The following PPP1R13B variants were observed in gnomAD, a reference collection of about 807,000 sequenced individuals.
PPP1R13B encodes protein phosphatase 1 regulatory subunit 13B, also known as apoptosis-stimulating of p53 protein 1.
A neutral mutation model predicts 119.8 loss-of-function variants in PPP1R13B; 44 were observed. The observed-to-expected ratio is 0.37, with a 90% CI of 0.29 to 0.47. The LOEUF (loss-of-function observed/expected upper bound fraction) is 0.47. PPP1R13B is among the 20% of genes least tolerant of loss of function. The pLI is 0.99. For synonymous variants in PPP1R13B, 542 were observed against 561.5 expected (o/e 0.97, Z 0.49); for missense variants, 1,227 against 1,413.5 (o/e 0.87, Z 2.12).
At chr14:103,737,933 C>T (rs2084154923) in intron 14 of PPP1R13B, 73 bp from the exon 15 acceptor site, 2 of 1,474,308 alleles carry the variant, frequency 1.4e-6, no homozygotes, top group Non-Finnish European at 1.8e-6. Context: ...CAGAGATTTC[C>T]CTCTAAGGAA....
chr14:103,836,132 G>A (rs1003890522), intron 1 of PPP1R13B, among the ~76,000 whole-genome samples: 2 of 149,302 alleles, frequency 1.3e-5, no homozygotes, highest in African/African-American at 5.0e-5. Context: ...TGCAATTTCC[G>A]CCTCCCAGGC....
intron 4 of PPP1R13B, among the ~76,000 whole-genome samples, chr14:103,775,351 T>G (rs1237407223): frequency 6.6e-6 from 1 of 151,920 alleles, no homozygotes; most frequent in Non-Finnish European, 1.5e-5. Context: ...CTCAGCTCAC[T>G]GCAACCTCTG....
intron 4 of PPP1R13B, among the ~76,000 whole-genome samples, chr14:103,760,765 A>G (rs968810484): frequency 1.3e-5 from 2 of 152,188 alleles, no homozygotes; most frequent in Non-Finnish European, 2.9e-5. Context: ...CACAATAAAC[A>G]CGGCCCACCC....
At chr14:103,821,917 T>C (rs1407972530) in intron 1 of PPP1R13B, among the ~76,000 whole-genome samples, 1 of 152,112 alleles carries the variant, frequency 6.6e-6, no homozygotes, top group East Asian at 1.9e-4. Context: ...GTCCAAGGCA[T>C]TTAGTTGAGA....
intron 1 of PPP1R13B, among the ~76,000 whole-genome samples, chr14:103,801,509 T>A (rs1018062833): frequency 6.6e-6 from 1 of 152,140 alleles, no homozygotes; most frequent in Non-Finnish European, 1.5e-5. Flanking sequence ...CTATTCACAA[T>A]TCAAAACTCA....
chr14:103,741,640 A>T, intron 11 of PPP1R13B, 150 bp downstream of exon 11: 2 of 1,048,416 alleles, frequency 1.9e-6, no homozygotes, highest in Non-Finnish European at 2.7e-6. Flanking sequence ...TTCCCTTCTC[A>T]CACTGACACC....
intron 2 of PPP1R13B, among the ~76,000 whole-genome samples, chr14:103,793,149 G>A (rs1420571382): frequency 6.9e-6 from 1 of 145,560 alleles, no homozygotes; most frequent in Non-Finnish European, 1.5e-5. Flanking sequence ...GGGAGGGAAA[G>A]GAGGGGAAGG....
At chr14:103,745,263 C>T (rs761353836) in intron 9 of PPP1R13B, among the ~76,000 whole-genome samples, 6 of 152,288 alleles carry the variant, frequency 3.9e-5, no homozygotes, top group Middle Eastern at 3.4e-3. Context: ...ACAGATGTGT[C>T]GCTGTCCCTC....
chr14:103,841,673 A>G (rs1014563059), intron 1 of PPP1R13B, among the ~76,000 whole-genome samples: 2 of 152,208 alleles, frequency 1.3e-5, no homozygotes, highest in East Asian at 1.9e-4. Flanking sequence ...TGTAAAATCA[A>G]GCTTATCAAG....
intron 1 of PPP1R13B, among the ~76,000 whole-genome samples, chr14:103,830,354 C>T (rs913747218): frequency 6.6e-6 from 1 of 152,126 alleles, no homozygotes; most frequent in Non-Finnish European, 1.5e-5. Context: ...CCTCAGCCTC[C>T]CAAAGTGCTA....
intron 1 of PPP1R13B, among the ~76,000 whole-genome samples, chr14:103,836,547 G>C (rs987027794): frequency 1.3e-5 from 2 of 151,870 alleles, no homozygotes; most frequent in Admixed American, 1.3e-4. Flanking sequence ...GAGGCAGGCG[G>C]ATCATGAGGT....
intron 8 of PPP1R13B, among the ~76,000 whole-genome samples, chr14:103,748,066 TACACAC>T (rs58398068): frequency 0.2 from 28,106 of 137,980 alleles, 2,538 homozygotes; most frequent in Non-Finnish European, 0.24. Context: ...TTAAATCACA[TACACAC>T]ACACACACAC....
intron 2 of PPP1R13B, among the ~76,000 whole-genome samples, chr14:103,796,773 A>G (rs892233148): frequency 2.0e-5 from 3 of 152,190 alleles, no homozygotes; most frequent in African/African-American, 7.2e-5. Flanking sequence ...CCTGGGCAAC[A>G]TGGTGAAACC....
rs1331442745 is a variant in PPP1R13B, at chr14:103,778,812, T to C, written c.287A>G (p.Gln96Arg). 2 of 1,613,870 alleles carry C rather than the reference T, an allele frequency of 1.2e-6. No individual in the cohort carries two copies. The highest frequency in any genetic ancestry group is 2.2e-5 in the South Asian group (2 of 91,062). The change falls in exon 4 of 17, where the codon CAG (glutamine) becomes CGG (arginine). Residue 96 changes from glutamine to arginine, a missense_variant. Transcript: ENST00000202556. ...PTENSEQGGRQTQEQRTQRNV... is the reference protein window; with the variant it reads ...PTENSEQGGRRTQEQRTQRNV... ...TCTCTGAGTTCGTTGCTCTTGGGTC[T>C]GACGGCCACCTAAAGAAATAAAAGA...
In PPP1R13B at chr14:103,788,126, G is replaced by GAA. The variant is rs113823420; in HGVS notation, c.158-3214_158-3213dup. On this transcript the variant is annotated intron_variant, in intron 2 of 16. Coordinates refer to ENST00000202556, the MANE Select transcript of PPP1R13B (RefSeq NM_015316.3). ...GACCCTGTCTCAAAAAGAGAAAAAT[G>GAA]AAAAAAAAAAAGATTAAAAATGCTA... is the stretch of plus-strand genomic sequence containing the variant. Among the ~76,000 whole-genome samples, 8 of 142,558 alleles carry GAA rather than the reference G, an allele frequency of 5.6e-5. No homozygotes were observed. In the South Asian group the frequency reaches 1.1e-3, roughly 20 times the overall value. 93.5% of individuals were successfully genotyped at this position (142,558 alleles called of 152,430 possible).
intron 9 of PPP1R13B, 42 bp downstream of exon 9, chr14:103,746,331 G>A (rs755558812): frequency 7.8e-7 from 1 of 1,278,384 alleles, no homozygotes; most frequent in Non-Finnish European, 1.0e-6. Context: ...CCCATTCCCT[G>A]CTCACAAACT....
intron 2 of PPP1R13B, among the ~76,000 whole-genome samples, chr14:103,789,516 A>C (rs550073093): frequency 1.4e-5 from 2 of 146,300 alleles, no homozygotes; most frequent in African/African-American, 5.1e-5. Flanking sequence ...GTGTCCGGCC[A>C]ATTTTTTATT....
chr14:103,847,045 C>T (rs768755571), intron 1 of PPP1R13B: 6 of 1,037,076 alleles, frequency 5.8e-6, no homozygotes, highest in African/African-American at 3.4e-5. Context: ...CCAAATGCAT[C>T]TGCTTCTCCC....
intron 1 of PPP1R13B, among the ~76,000 whole-genome samples, chr14:103,836,445 T>C (rs1013426657): frequency 6.6e-6 from 1 of 152,038 alleles, no homozygotes; most frequent in Admixed American, 6.6e-5. Context: ...TTTTTACAAA[T>C]AGGAAAATAA....
Sources: gnomAD v4.1 joint callset for allele counts (sites outside exome capture counted in the v4.1 genomes callset) on GRCh38, gnomAD v4.1.1 for gene constraint, MANE v1.5 for transcripts, NCBI Gene and HGNC (gene_info 2026-07-23, HGNC 2026-07-21) for gene names.